The following PTPRM variants were observed in gnomAD, a reference collection of about 807,000 sequenced individuals.
PTPRM encodes the protein protein tyrosine phosphatase receptor type M.
In PTPRM, 47 loss-of-function variants were observed where a neutral mutation model predicts 186.7. That is an observed-to-expected ratio of 0.25 (90% CI 0.20 to 0.32). The LOEUF (loss-of-function observed/expected upper bound fraction) is 0.32, where lower values mean the gene tolerates loss of function less well. Ranked by LOEUF, PTPRM falls within the 10% of genes least tolerant of loss-of-function variation. The probability of loss-of-function intolerance (pLI) is 1.00; values close to 1 mark genes in which losing one functional copy is unlikely to be tolerated. For synonymous variants in PTPRM, 668 were observed against 674.9 expected (o/e 0.99, Z 0.16); for missense variants, 1,494 against 1,865.0 (o/e 0.80, Z 3.66).
At chr18:7,739,538 C>T (rs146387399) in intron 1 of PTPRM, among the ~76,000 whole-genome samples, 46 of 152,278 alleles carry the variant, frequency 3.0e-4, no homozygotes, top group African/African-American at 1.1e-3. Flanking sequence ...GCAAAAACTG[C>T]GATTACTTTT....
chr18:8,039,529 C>T (rs1337548762), intron 7 of PTPRM, among the ~76,000 whole-genome samples: 4 of 151,940 alleles, frequency 2.6e-5, no homozygotes, highest in Non-Finnish European at 1.5e-5. Flanking sequence ...CCGTATTTTT[C>T]GTTTTAAACA....
At chr18:8,399,441 C>A (rs2095860781) in intron 32 of PTPRM, among the ~76,000 whole-genome samples, 1 of 152,324 alleles carries the variant, frequency 6.6e-6, no homozygotes, top group South Asian at 2.1e-4. Flanking sequence ...CTTTATGTAA[C>A]AACTGTATCC....
intron 11 of PTPRM, among the ~76,000 whole-genome samples, chr18:8,104,129 GCA>G (rs773688830): frequency 6.6e-6 from 1 of 152,130 alleles, no homozygotes; most frequent in African/African-American, 2.4e-5. Context: ...TACCAAAATG[GCA>G]CAGAGACATG....
Position 8,054,298 on chromosome 18 carries a change from A to ATATATATATATATATATATATATAT in PTPRM, c.1133-15388_1133-15387insTATATATATATATATATATATATAT, listed in dbSNP as rs1555710874. Among the ~76,000 whole-genome samples, 148 of 131,632 alleles carry ATATATATATATATATATATATATAT rather than the reference A, an allele frequency of 1.1e-3. 10 individuals are homozygous for ATATATATATATATATATATATATAT. Among genetic ancestry groups the ATATATATATATATATATATATATAT allele is most frequent in the African/African-American group, 4.6e-3 (140 of 30,732 alleles). 86.4% of individuals were successfully genotyped at this position (131,632 alleles called of 152,430 possible). A position where few individuals can be genotyped will look rare whatever the true frequency, so the allele number is the denominator to read the frequency against. Reference sequence around the variant, plus strand: ...AGTAGTAATATATACTAGTAGTAGTAATATATATATATATATATATATATT... The same window carrying ATATATATATATATATATATATATAT: ...AGTAGTAATATATACTAGTAGTAGTATATATATATATATATATATATATATATATATATATATATATATATATATT... On this transcript the variant is annotated intron_variant, in intron 7 of 32. Coordinates refer to ENST00000580170, the MANE Select transcript of PTPRM (RefSeq NM_001105244.2).
At chr18:7,843,262 T>C (rs1349721899) in intron 2 of PTPRM, among the ~76,000 whole-genome samples, 4 of 152,170 alleles carry the variant, frequency 2.6e-5, no homozygotes, top group Admixed American at 6.5e-5. Context: ...AAAGCTTTTA[T>C]GATTTTTCAT....
At chr18:7,595,840 T>C (rs2037243951) in intron 1 of PTPRM, among the ~76,000 whole-genome samples, 1 of 152,214 alleles carries the variant, frequency 6.6e-6, no homozygotes, top group South Asian at 2.1e-4. Context: ...CCTGTCTGAT[T>C]ATTTACGTAG....
At chr18:7,753,613 A>T (rs1362594293) in intron 1 of PTPRM, among the ~76,000 whole-genome samples, 1 of 152,202 alleles carries the variant, frequency 6.6e-6, no homozygotes, top group Admixed American at 6.5e-5. Context: ...GTAAGTATCA[A>T]ATTCCATTCT....
intron 14 of PTPRM, among the ~76,000 whole-genome samples, chr18:8,162,327 C>T (rs1372390775): frequency 6.6e-6 from 1 of 152,212 alleles, no homozygotes; most frequent in East Asian, 1.9e-4. Flanking sequence ...CCTTGAACTC[C>T]TGACCTCAGG....
chr18:7,576,710 T>C (rs1219114864), intron 1 of PTPRM, among the ~76,000 whole-genome samples: 1 of 152,190 alleles, frequency 6.6e-6, no homozygotes, highest in Non-Finnish European at 1.5e-5. Flanking sequence ...ACTTCTGGGC[T>C]CAAGTAGTCT....
chr18:8,170,800 T>G (rs1293014201), intron 14 of PTPRM, among the ~76,000 whole-genome samples: 1 of 152,160 alleles, frequency 6.6e-6, no homozygotes, highest in African/African-American at 2.4e-5. Flanking sequence ...TAGCTCCCGA[T>G]AGCCATCAAA....
intron 3 of PTPRM, among the ~76,000 whole-genome samples, chr18:7,899,138 G>A (rs754258078): frequency 1.3e-5 from 2 of 152,158 alleles, no homozygotes; most frequent in Non-Finnish European, 2.9e-5. Context: ...CAGCCCTGAA[G>A]CACTATATTT....
At position 7,776,433 on chromosome 18, in the gene PTPRM, C is replaced by G. The variant is rs545958414; in HGVS notation, c.196+2162C>G. ...ATGTGCATGGGTGCAGCTCAGATTT[C>G]TGAAAACTATTGTTGCTCCATCAGA... On this transcript the variant is annotated intron_variant, in intron 2 of 32. Transcript: ENST00000580170. 1.2e-4 allele frequency among the ~76,000 whole-genome samples: 19 copies of G among 152,238 alleles called. No homozygotes were observed. The South Asian group carries it at 3.9e-3, about 32-fold the overall frequency.
intron 1 of PTPRM, among the ~76,000 whole-genome samples, chr18:7,658,739 T>C (rs147359064): frequency 1.3e-5 from 2 of 152,294 alleles, no homozygotes; most frequent in Non-Finnish European, 1.5e-5. Context: ...GACATGAGAA[T>C]GTGCTGTTTT....
intron 1 of PTPRM, among the ~76,000 whole-genome samples, chr18:7,752,614 G>T (rs572865326): frequency 3.6e-4 from 55 of 151,756 alleles, no homozygotes; most frequent in Non-Finnish European, 6.8e-4. Context: ...TTTATTTTTT[G>T]TATTTTTTGT....
chr18:8,047,570 G>A (rs1216691675), intron 7 of PTPRM, among the ~76,000 whole-genome samples: 2 of 152,174 alleles, frequency 1.3e-5, no homozygotes, highest in African/African-American at 4.8e-5. Flanking sequence ...GTATATGTGT[G>A]TACATGTTTC....
chr18:8,378,183 T>C, intron 26 of PTPRM, 82 bp from the exon 27 acceptor site: 1 of 1,392,162 alleles, frequency 7.2e-7, no homozygotes, highest in Non-Finnish European at 1.0e-6. Context: ...ACTCTCTTGA[T>C]GATGTGGGGC....
At chr18:8,183,172 C>A (rs1420859464) in intron 14 of PTPRM, among the ~76,000 whole-genome samples, 1 of 152,150 alleles carries the variant, frequency 6.6e-6, no homozygotes, top group East Asian at 1.9e-4. Flanking sequence ...ACAAAATAAA[C>A]CATAGCTTCT....
intron 11 of PTPRM, among the ~76,000 whole-genome samples, chr18:8,094,990 T>C (rs1162985386): frequency 6.6e-6 from 1 of 152,144 alleles, no homozygotes; most frequent in African/African-American, 2.4e-5. Context: ...TGCCTGTCTT[T>C]CCACAGCAAG....
chr18:8,362,532 C>T (rs114788892), intron 23 of PTPRM, among the ~76,000 whole-genome samples: 161 of 152,248 alleles, frequency 1.1e-3, no homozygotes, highest in African/African-American at 3.5e-3. Context: ...CGGAGGATCG[C>T]GCCCTCCCAG....
Sources: gnomAD v4.1 joint callset for allele counts (sites outside exome capture counted in the v4.1 genomes callset) on GRCh38, gnomAD v4.1.1 for gene constraint, MANE v1.5 for transcripts, NCBI Gene and HGNC (gene_info 2026-07-23, HGNC 2026-07-21) for gene names.